Variants in POLR3GL observed in about 807,000 individuals in gnomAD.
The protein encoded by POLR3GL is RNA polymerase III subunit GL.
POLR3GL carries 26 observed loss-of-function variants against 32.4 expected under a neutral mutation model. The observed-to-expected ratio is 0.80, with a 90% CI of 0.59 to 1.11. The LOEUF is 1.11. Ranked by LOEUF, POLR3GL falls within the 50% of genes most tolerant of loss-of-function variation. The pLI is 0.00. For missense variants in POLR3GL, 229 were observed against 280.1 expected (o/e 0.82, Z 1.30); for synonymous variants, 95 against 98.7 (o/e 0.96, Z 0.22).
At chr1:145,970,226 C>T (rs2101931592) in intron 1 of POLR3GL, among the ~76,000 whole-genome samples, 1 of 152,240 alleles carries the variant, frequency 6.6e-6, no homozygotes, top group Admixed American at 6.5e-5. Flanking sequence ...CTCACTGAAT[C>T]CTCTTATCTC....
chr1:145,968,997 G>C (rs9424932), intron 1 of POLR3GL, among the ~76,000 whole-genome samples: 1 of 152,068 alleles, frequency 6.6e-6, no homozygotes, highest in African/African-American at 2.4e-5. Flanking sequence ...TTTTATGGCA[G>C]TTGGGCTTGA....
intron 5 of POLR3GL, 55 bp downstream of exon 5, chr1:145,977,594 G>C: frequency 6.5e-7 from 1 of 1,526,796 alleles, no homozygotes; most frequent in South Asian, 1.1e-5. Context: ...ATCAGCCTGA[G>C]GGCCGAGGCT....
chr1:145,975,201 T>G (rs782609199), intron 2 of POLR3GL, 106 bp from the exon 3 acceptor site: 55 of 1,436,978 alleles, frequency 3.8e-5, no homozygotes, highest in Admixed American at 6.3e-5. Flanking sequence ...GATTGTCATT[T>G]GGCCCTCTGC....
At chr1:145,965,038 T>C (rs1441095639) in intron 1 of POLR3GL, among the ~76,000 whole-genome samples, 1 of 152,200 alleles carries the variant, frequency 6.6e-6, no homozygotes, top group Non-Finnish European at 1.5e-5. Context: ...TCTATTAATA[T>C]TATCCCAAGA....
intron 1 of POLR3GL, among the ~76,000 whole-genome samples, chr1:145,965,386 A>G (rs1553761882): frequency 6.6e-6 from 1 of 152,220 alleles, no homozygotes; most frequent in South Asian, 2.1e-4. Context: ...TGTAATTAAG[A>G]GCCATTAAAT....
rs1553763920 is a variant in POLR3GL, at chr1:145,978,628, A to G, written c.*181A>G. ...ACACTTCCCCTCCTTCCACATTTGT[A>G]TCACCTTTGCTATCTTGGGGAAAGT... is the stretch of plus-strand genomic sequence containing the variant. On this transcript the variant is annotated 3_prime_UTR_variant, in exon 8 of 8. Coordinates refer to ENST00000369314, the MANE Select transcript of POLR3GL (RefSeq NM_032305.3). 3.2e-6 allele frequency: 2 copies of G among 615,904 alleles called. No homozygotes were observed. Among genetic ancestry groups the G allele is most frequent in the East Asian group, 2.7e-5 (1 of 37,366 alleles). The allele number at this position is 615,904 out of a possible 1,614,324, so 38.2% of individuals were successfully genotyped here.
At position 145,967,108 on chromosome 1, in the gene POLR3GL, G is replaced by A. The variant is rs185791691; in HGVS notation, c.-42+2340G>A. On this transcript the variant is annotated intron_variant, in intron 1 of 7. Coordinates refer to ENST00000369314, the MANE Select transcript of POLR3GL (RefSeq NM_032305.3). The stretch of plus-strand genomic sequence containing the variant: ...AGTGTCCATTTGAAAAAAAACTCAT[G>A]ACAGCCTGCTTATTATTTAAATCTT... Among the ~76,000 whole-genome samples the A allele has an allele frequency of 1.9e-3, 296 of 151,930 alleles. 1 individual carries two copies. Among genetic ancestry groups the A allele is most frequent in the Middle Eastern group, 3.5e-3 (1 of 288 alleles).
At chr1:145,975,504 TG>T (rs1559256399) in intron 3 of POLR3GL, 68 bp downstream of exon 3, 5 of 1,568,660 alleles carry the variant, frequency 3.2e-6, no homozygotes, top group Middle Eastern at 1.7e-4. Flanking sequence ...TCAGCACCAC[TG>T]GGGGCCAGAG....
At chr1:145,970,452 T>A (rs868915586) in intron 1 of POLR3GL, among the ~76,000 whole-genome samples, 1 of 152,088 alleles carries the variant, frequency 6.6e-6, no homozygotes, top group South Asian at 2.1e-4. Context: ...AGCCTCGAGT[T>A]TTTTTTGTTT....
At chr1:145,967,622 C>T (rs1321279339) in intron 1 of POLR3GL, among the ~76,000 whole-genome samples, 4 of 152,282 alleles carry the variant, frequency 2.6e-5, no homozygotes, top group African/African-American at 4.8e-5. Flanking sequence ...TACACATCAG[C>T]GTGCCCCAGG....
intron 1 of POLR3GL, among the ~76,000 whole-genome samples, chr1:145,972,418 G>C (rs868964453): frequency 7.7e-4 from 116 of 150,162 alleles, no homozygotes; most frequent in African/African-American, 2.5e-3. Context: ...ATGCTCCCCT[G>C]CTCCCTTTTA....
chr1:145,977,247 C>G, intron 4 of POLR3GL, 95 bp downstream of exon 4: 6 of 1,107,950 alleles, frequency 5.4e-6, no homozygotes, highest in South Asian at 3.7e-5. Flanking sequence ...CCCCATTCCC[C>G]GATCCAGCAT....
Position 145,978,352 on chromosome 1 carries a change from C to A in POLR3GL, c.571-9C>A. 4 of 915,928 alleles carry A rather than the reference C, an allele frequency of 4.4e-6. No individual in the cohort carries two copies. The highest frequency in any genetic ancestry group is 2.7e-5 in the African/African-American group (1 of 37,500). 56.7% of individuals were successfully genotyped at this position (915,928 alleles called of 1,614,324 possible). ...AAATTGACTTTTACTTTTTTTTTTT[C>A]CATTTCAGGAAACTGATTACATCAT... On this transcript the variant is annotated splice_polypyrimidine_tract_variant and intron_variant, in intron 7 of 7. Coordinates refer to ENST00000369314, the MANE Select transcript of POLR3GL (RefSeq NM_032305.3).
intron 1 of POLR3GL, among the ~76,000 whole-genome samples, chr1:145,970,573 C>T (rs1450342159): frequency 2.6e-5 from 4 of 151,902 alleles, no homozygotes; most frequent in African/African-American, 9.7e-5. Flanking sequence ...CACAGTTTCC[C>T]CTATTAACAT....
intron 2 of POLR3GL, 146 bp from the exon 3 acceptor site, chr1:145,975,161 C>T (rs1650495710): frequency 7.6e-7 from 1 of 1,314,588 alleles, no homozygotes; most frequent in South Asian, 1.5e-5. Flanking sequence ...TTACTTCTCC[C>T]CAGCTTTCAA....
intron 1 of POLR3GL, among the ~76,000 whole-genome samples, chr1:145,967,549 T>C (rs2101928113): frequency 6.6e-6 from 1 of 152,286 alleles, no homozygotes; most frequent in African/African-American, 2.4e-5. Context: ...TTTTAAAATT[T>C]GGATTTCCAA....
chr1:145,978,647 G>A lies in POLR3GL; in HGVS notation c.*200G>A. 1 of 581,376 alleles carries A rather than the reference G, an allele frequency of 1.7e-6. No homozygotes were observed. The highest frequency in any genetic ancestry group is 3.1e-6 in the Non-Finnish European group (1 of 324,912). 36.0% of individuals were successfully genotyped at this position (581,376 alleles called of 1,614,324 possible). A position where few individuals can be genotyped will look rare whatever the true frequency, so the allele number is the denominator to read the frequency against. The stretch of plus-strand genomic sequence containing the variant: ...ATTTGTATCACCTTTGCTATCTTGG[G>A]GAAAGTGCAAAGGACAAACATCTCA... On this transcript the variant is annotated 3_prime_UTR_variant, in exon 8 of 8. Coordinates refer to ENST00000369314, the MANE Select transcript of POLR3GL (RefSeq NM_032305.3).
chr1:145,972,709 G>A lies in POLR3GL; in HGVS notation c.-41-2116G>A, dbSNP rs587649021. On this transcript the variant is annotated intron_variant, in intron 1 of 7. Transcript: ENST00000369314. ...TTTTTCTCCTTTTTGTTTGTTTTTC[G>A]TTTGTTTGAGACAGAGTCTTTACTC... Among the ~76,000 whole-genome samples the A allele has an allele frequency of 1.9e-4, 28 of 150,712 alleles. 1 individual carries two copies. The highest frequency in any genetic ancestry group is 3.4e-3 in the Middle Eastern group (1 of 292).
At chr1:145,969,630 A>G (rs1399968804) in intron 1 of POLR3GL, among the ~76,000 whole-genome samples, 1 of 150,200 alleles carries the variant, frequency 6.7e-6, no homozygotes, top group Non-Finnish European at 1.5e-5. Context: ...AACAAAGCAT[A>G]CATAACCTGG....
Sources: allele counts gnomAD v4.1 joint callset (sites outside exome capture counted in the v4.1 genomes callset), GRCh38; gene constraint gnomAD v4.1.1; transcripts MANE v1.5; gene names NCBI Gene and HGNC (gene_info 2026-07-23, HGNC 2026-07-21).